The following NUFIP1 variants were observed in gnomAD, a reference collection of about 807,000 sequenced individuals.
The protein encoded by NUFIP1 is nuclear FMR1 interacting protein 1.
In NUFIP1, 38 loss-of-function variants were observed where a neutral mutation model predicts 56.2. The observed-to-expected ratio is 0.68, with a 90% CI of 0.52 to 0.89. NUFIP1 has a LOEUF of 0.89. Ranked by LOEUF, NUFIP1 falls within the 40% of genes least tolerant of loss-of-function variation. The pLI is 0.00. For missense variants in NUFIP1, 567 were observed against 605.8 expected (o/e 0.94, Z 0.67); for synonymous variants, 215 against 212.4 (o/e 1.01, Z -0.10).
chr13:44,969,449 T>C (rs1286457690), intron 5 of NUFIP1, among the ~76,000 whole-genome samples: 2 of 152,184 alleles, frequency 1.3e-5, no homozygotes, highest in Admixed American at 1.3e-4. Context: ...TGCAGTTACA[T>C]ACATGTAAAG....
intron 6 of NUFIP1, among the ~76,000 whole-genome samples, chr13:44,963,869 T>C (rs1264546975): frequency 1.3e-5 from 2 of 152,242 alleles, no homozygotes; most frequent in East Asian, 3.8e-4. Flanking sequence ...AGAATTGGTA[T>C]GTCTTCTTGT....
At chr13:44,976,399 GAGA>G (rs1030407101) in intron 5 of NUFIP1, among the ~76,000 whole-genome samples, 5 of 151,420 alleles carry the variant, frequency 3.3e-5, no homozygotes, top group African/African-American at 1.2e-4. Flanking sequence ...GGAGGAGGAG[GAGA>G]AGGAAGAGGA....
chr13:44,968,089 T>G (rs931314298), intron 5 of NUFIP1, among the ~76,000 whole-genome samples: 3 of 151,242 alleles, frequency 2.0e-5, no homozygotes, highest in African/African-American at 7.3e-5. Flanking sequence ...AGAAAAAAAA[T>G]GTAATGAATT....
At chr13:44,949,148 A>T (rs567299294) in intron 8 of NUFIP1, among the ~76,000 whole-genome samples, 5 of 151,128 alleles carry the variant, frequency 3.3e-5, no homozygotes, top group Non-Finnish European at 5.9e-5. Context: ...AATTTTCTTC[A>T]GTTCTGTTAG....
intron 6 of NUFIP1, among the ~76,000 whole-genome samples, chr13:44,961,549 C>T (rs1163950331): frequency 6.6e-6 from 1 of 152,074 alleles, no homozygotes; most frequent in African/African-American, 2.4e-5. Flanking sequence ...TTTTTAATCC[C>T]TTTAGGGTCA....
intron 4 of NUFIP1, 86 bp downstream of exon 4, chr13:44,979,804 T>C: frequency 1.1e-6 from 1 of 899,738 alleles, no homozygotes; most frequent in Non-Finnish European, 1.7e-6. Context: ...TTACCTATTA[T>C]TAGGTATATA....
intron 1 of NUFIP1, among the ~76,000 whole-genome samples, chr13:44,986,144 C>T (rs545061993): frequency 9.9e-5 from 15 of 152,218 alleles, no homozygotes; most frequent in African/African-American, 3.6e-4. Context: ...AAGAAATCCA[C>T]AGTGATTCAT....
intron 5 of NUFIP1, among the ~76,000 whole-genome samples, chr13:44,972,749 T>C (rs1871849762): frequency 6.6e-6 from 1 of 152,214 alleles, no homozygotes; most frequent in East Asian, 1.9e-4. Context: ...GTCAGGATTA[T>C]CCCTACATAG....
rs1181765184 is a variant in NUFIP1 at position 44,989,219 on chromosome 13, G to A, written c.218C>T (p.Ser73Phe). 2.5e-6 allele frequency: 4 copies of A among 1,611,938 alleles called. No individual in the cohort carries two copies. The highest frequency in any genetic ancestry group is 1.3e-5 in the African/African-American group (1 of 74,962). The change falls in exon 1 of 10, where the codon TCT (serine) becomes TTT (phenylalanine). Residue 73 changes from serine to phenylalanine, a missense_variant. Physicochemically the swap from Ser to Phe is radical, Grantham distance 155 (BLOSUM62 -2). Transcript: ENST00000379161. ...GAAGGGGGGCGGAGCCCCGGGGAGA[G>A]ACTGGGCCTCCATGGGGGGCTGCGA... The part of the protein sequence containing the change: ...SESQPPMEAQ[S>F]LPGAPPPFDA...
intron 7 of NUFIP1, among the ~76,000 whole-genome samples, chr13:44,957,337 G>A (rs182154186): frequency 1.7e-4 from 26 of 152,114 alleles, no homozygotes; most frequent in African/African-American, 6.3e-4. Flanking sequence ...TCAGCCTCCC[G>A]AGTAGCTGGG....
intron 5 of NUFIP1, among the ~76,000 whole-genome samples, chr13:44,966,256 TA>T (rs962410849): frequency 6.6e-6 from 1 of 152,098 alleles, no homozygotes; most frequent in Non-Finnish European, 1.5e-5. Flanking sequence ...ATAAATACTG[TA>T]AAAAAAATTT....
chr13:44,941,368 C>A, intron 9 of NUFIP1, 46 bp from the exon 10 acceptor site: 2 of 1,105,420 alleles, frequency 1.8e-6, no homozygotes, highest in Non-Finnish European at 2.7e-6. Context: ...TAAATTATAT[C>A]TGGGAAATAC....
intron 8 of NUFIP1, 46 bp from the exon 9 acceptor site, chr13:44,943,720 A>G (rs1404319249): frequency 4.1e-6 from 6 of 1,460,194 alleles, no homozygotes; most frequent in Non-Finnish European, 5.7e-6. Context: ...AAACAAAACA[A>G]AACAGGTAGA....
chr13:44,950,406 C>G (rs967714826), intron 7 of NUFIP1, among the ~76,000 whole-genome samples: 5 of 152,186 alleles, frequency 3.3e-5, no homozygotes, highest in Non-Finnish European at 5.9e-5. Context: ...AGTGCAGTGG[C>G]ATAATCTCGG....
rs189901194 is a variant in NUFIP1 at position 44,983,929 on chromosome 13, T to C, written c.413-1775A>G. Among the ~76,000 whole-genome samples, 9 of 152,300 alleles carry C rather than the reference T, an allele frequency of 5.9e-5. No individual in the cohort carries two copies. The East Asian group carries it at 1.4e-3, about 23-fold the overall frequency. On this transcript the variant is annotated intron_variant, in intron 1 of 9. Coordinates refer to ENST00000379161, the MANE Select transcript of NUFIP1 (RefSeq NM_012345.3). The stretch of plus-strand genomic sequence containing the variant: ...TGATCTTGGACATAACCTCAAGAAC[T>C]ATGAGCCAAATAAATTTCTGTTCAT...
chr13:44,976,286 A>AG (rs1014688741), intron 5 of NUFIP1, among the ~76,000 whole-genome samples: 1 of 152,042 alleles, frequency 6.6e-6, no homozygotes, highest in African/African-American at 2.4e-5. Flanking sequence ...AAATGAAAGA[A>AG]GAAGGAAGGA....
At chr13:44,969,494 T>C (rs1373982850) in intron 5 of NUFIP1, among the ~76,000 whole-genome samples, 3 of 152,196 alleles carry the variant, frequency 2.0e-5, no homozygotes, top group African/African-American at 4.8e-5. Context: ...GAATGGATAA[T>C]ATGAAGTTAT....
chr13:44,989,234 G>T lies in NUFIP1; in HGVS notation c.203C>A (p.Pro68His), dbSNP rs530424313. The change falls in exon 1 of 10, where the codon CCC becomes CAC. Residue 68 changes from proline (P) to histidine (H), a missense_variant. Transcript: ENST00000379161. The part of the protein sequence containing the change: ...GSKPSSESQP[P>H]MEAQSLPGAP... ...CCCGGGGAGAGACTGGGCCTCCATG[G>T]GGGGCTGCGACTCAGAGGAAGGCTT... 20 of 1,612,620 alleles carry T rather than the reference G, an allele frequency of 1.2e-5. No homozygotes were observed. The South Asian group carries it at 2.2e-4, about 18-fold the overall frequency.
chr13:44,941,753 TC>T (rs1870746783), intron 9 of NUFIP1, among the ~76,000 whole-genome samples: 1 of 152,148 alleles, frequency 6.6e-6, no homozygotes, highest in Admixed American at 6.5e-5. Context: ...GACCTTGTGA[TC>T]CACCCGCCTC....
Sources: gnomAD v4.1 joint callset for allele counts (sites outside exome capture counted in the v4.1 genomes callset) on GRCh38, gnomAD v4.1.1 for gene constraint, MANE v1.5 for transcripts, NCBI Gene and HGNC (gene_info 2026-07-23, HGNC 2026-07-21) for gene names.